The following MYRFL variants were observed in gnomAD, a reference collection of about 807,000 sequenced individuals.
MYRFL encodes myelin regulatory factor like.
A neutral mutation model predicts 109.4 loss-of-function variants in MYRFL; 88 were observed. That is an observed-to-expected ratio of 0.80 (90% CI 0.68 to 0.96). MYRFL has a LOEUF of 0.96. Ranked by LOEUF, MYRFL falls within the 40% of genes least tolerant of loss-of-function variation. The pLI is 0.00. For synonymous variants in MYRFL, 324 were observed against 320.9 expected, an observed-to-expected ratio of 1.01 and a Z score of -0.10; for missense variants, 957 against 954.9, an observed-to-expected ratio of 1.00 and a Z score of -0.03.
intron 1 of MYRFL, among the ~76,000 whole-genome samples, chr12:69,842,897 T>A (rs1203680707): frequency 6.6e-6 from 1 of 152,252 alleles, no homozygotes; most frequent in Non-Finnish European, 1.5e-5. Flanking sequence ...ATAGCTGATT[T>A]TCTTGTCCCT....
chr12:69,938,985 G>C (rs921303075), intron 19 of MYRFL, among the ~76,000 whole-genome samples: 4 of 152,146 alleles, frequency 2.6e-5, no homozygotes, highest in East Asian at 1.9e-4. Flanking sequence ...CATTTCCGAC[G>C]GGCTTAAAAA....
intron 10 of MYRFL, among the ~76,000 whole-genome samples, chr12:69,900,989 G>A (rs1331945883): frequency 6.6e-6 from 1 of 152,134 alleles, no homozygotes; most frequent in Non-Finnish European, 1.5e-5. Context: ...AACTGTTCAT[G>A]CACACATGAT....
At chr12:69,934,362 G>C (rs1021237657) in intron 16 of MYRFL, among the ~76,000 whole-genome samples, 1 of 152,228 alleles carries the variant, frequency 6.6e-6, no homozygotes, top group Non-Finnish European at 1.5e-5. Flanking sequence ...GCAGTGCCCT[G>C]GTGAGGGTGC....
rs1407922995 is a variant in MYRFL, at chr12:69,952,819, T to A, written c.2308T>A (p.Ser770Thr). The change falls in exon 21 of 25, where the codon TCT becomes ACT. Residue 770 changes from serine (S) to threonine (T), a missense_variant. Coordinates refer to ENST00000552032, the MANE Select transcript of MYRFL (RefSeq NM_182530.3). Reference protein sequence around the residue: ...ESDWIDTTISSIQIMEIQQII... With the variant: ...ESDWIDTTISTIQIMEIQQII... Reference sequence around the variant, plus strand: ...TTCAGGGATTGATACAACCATCAGTTCTATTCAGATTATGGAAATCCAGCA... The same window carrying A: ...TTCAGGGATTGATACAACCATCAGTACTATTCAGATTATGGAAATCCAGCA... 1.0e-5 allele frequency: 16 copies of A among 1,534,522 alleles called. No individual in the cohort carries two copies. Among genetic ancestry groups the A allele is most frequent in the Non-Finnish European group, 1.4e-5 (16 of 1,145,636 alleles).
intron 7 of MYRFL, among the ~76,000 whole-genome samples, 159 bp downstream of exon 7, chr12:69,891,325 T>C (rs1438182809): frequency 6.6e-6 from 1 of 152,224 alleles, no homozygotes; most frequent in Non-Finnish European, 1.5e-5. Context: ...CTATGACAAC[T>C]CATCTTTGTT....
chr12:69,958,172 G>A (rs1956135639), intron 23 of MYRFL, 77 bp from the exon 24 acceptor site: 3 of 1,314,208 alleles, frequency 2.3e-6, no homozygotes, highest in Non-Finnish European at 3.1e-6. Flanking sequence ...TTGAGGAAAT[G>A]CTTTTTCAGC....
intron 19 of MYRFL, among the ~76,000 whole-genome samples, chr12:69,946,148 G>A (rs77738476): frequency 0.035 from 5,279 of 151,868 alleles, 313 homozygotes; most frequent in African/African-American, 0.12. Context: ...AACAAGATGA[G>A]TGTCTGCTCA....
intron 20 of MYRFL, 61 bp from the exon 21 acceptor site, chr12:69,952,738 T>C (rs916552203): frequency 6.7e-6 from 8 of 1,201,132 alleles, no homozygotes; most frequent in Middle Eastern, 4.0e-4. Context: ...GTGGCTGGAA[T>C]ACAATATTCT....
intron 22 of MYRFL, among the ~76,000 whole-genome samples, chr12:69,956,426 T>C (rs1956097824): frequency 6.6e-6 from 1 of 152,218 alleles, no homozygotes; most frequent in Admixed American, 6.5e-5. Context: ...TTATCAGATA[T>C]TTTAAATGAT....
At chr12:69,839,335 CTCT>C (rs1236739546) in intron 1 of MYRFL, among the ~76,000 whole-genome samples, 1 of 152,162 alleles carries the variant, frequency 6.6e-6, no homozygotes, top group Non-Finnish European at 1.5e-5. Context: ...AGCACTGCAA[CTCT>C]TCTTTGCAAC....
At chr12:69,922,272 A>C (rs945808432) in intron 13 of MYRFL, among the ~76,000 whole-genome samples, 2 of 152,258 alleles carry the variant, frequency 1.3e-5, no homozygotes, top group South Asian at 2.1e-4. Flanking sequence ...GTAAATAATG[A>C]TTTAACATTT....
intron 2 of MYRFL, among the ~76,000 whole-genome samples, chr12:69,872,375 G>C (rs565007953): frequency 6.6e-6 from 1 of 152,090 alleles, no homozygotes; most frequent in Non-Finnish European, 1.5e-5. Flanking sequence ...CTAGGCTGAA[G>C]TGCAGTGGCA....
intron 19 of MYRFL, among the ~76,000 whole-genome samples, chr12:69,949,855 T>A (rs1321028645): frequency 6.6e-6 from 1 of 152,132 alleles, no homozygotes; most frequent in Non-Finnish European, 1.5e-5. Flanking sequence ...TGGAATTAGA[T>A]GGTTTGAATT....
chr12:69,832,322 T>C (rs571178785), intron 1 of MYRFL, among the ~76,000 whole-genome samples: 2 of 152,238 alleles, frequency 1.3e-5, no homozygotes, highest in Admixed American at 1.3e-4. Flanking sequence ...TCAAAAAATA[T>C]TTGACTGTCT....
chr12:69,865,285 A>G (rs892290283), intron 2 of MYRFL, among the ~76,000 whole-genome samples: 3 of 152,194 alleles, frequency 2.0e-5, no homozygotes, highest in Non-Finnish European at 4.4e-5. Flanking sequence ...TAAGTGGACA[A>G]AAGGGTGTGA....
chr12:69,926,211 G>A (rs149213169), intron 13 of MYRFL, among the ~76,000 whole-genome samples: 55 of 138,584 alleles, frequency 4.0e-4, no homozygotes, highest in African/African-American at 1.6e-3. Flanking sequence ...TGCAACCTCC[G>A]CCTCCTGGGG....
chr12:69,941,954 G>C lies in MYRFL; in HGVS notation c.2224+5322G>C, dbSNP rs1157798745. ...ATCTAGAAGAAATGGATAAATTCCT[G>C]GACACATACACTCTCCCAAGACTAA... On this transcript the variant is annotated intron_variant, in intron 19 of 24. Transcript: ENST00000552032. Among the ~76,000 whole-genome samples, 44 of 150,578 alleles carry C rather than the reference G, an allele frequency of 2.9e-4. No individual in the cohort carries two copies. In the South Asian group the frequency reaches 7.6e-3, roughly 26 times the overall value.
chr12:69,918,285 A>G (rs370027612), intron 13 of MYRFL, among the ~76,000 whole-genome samples: 14 of 152,264 alleles, frequency 9.2e-5, no homozygotes, highest in African/African-American at 3.4e-4. Context: ...GTTTGTATGG[A>G]ATGAGAAACA....
In MYRFL at chr12:69,910,925, G is replaced by A; in HGVS notation, c.1597G>A (p.Asp533Asn). 1 of 1,532,346 alleles carries A rather than the reference G, an allele frequency of 6.5e-7. No homozygotes were observed. The highest frequency in any genetic ancestry group is 1.2e-5 in the South Asian group (1 of 83,936). 94.9% of individuals were successfully genotyped at this position (1,532,346 alleles called of 1,614,324 possible). The change falls in exon 13 of 25, where the codon GAT (aspartate) becomes AAT (asparagine). Residue 533 changes from aspartate to asparagine, a missense_variant. Physicochemically the swap from Asp to Asn is conservative, Grantham distance 23. Coordinates refer to ENST00000552032, the MANE Select transcript of MYRFL (RefSeq NM_182530.3). ...GACCTTGGAGAACTTCCTCATGGTGGATAAGGTAATCACTGAAAAGATATC... is the reference window on the plus strand; with the variant it reads ...GACCTTGGAGAACTTCCTCATGGTGAATAAGGTAATCACTGAAAAGATATC... The part of the protein sequence containing the change: ...GETLENFLMV[D>N]KDQIFMENVG...
Sources: gnomAD v4.1 joint callset for allele counts (sites outside exome capture counted in the v4.1 genomes callset) on GRCh38, gnomAD v4.1.1 for gene constraint, MANE v1.5 for transcripts, NCBI Gene and HGNC (gene_info 2026-07-23, HGNC 2026-07-21) for gene names.